The following CHD6 variants were observed in gnomAD, a reference collection of about 807,000 sequenced individuals.
CHD6 encodes chromodomain helicase DNA binding protein 6, also known as ATP-dependent chromatin remodeler CHD6.
CHD6 carries 50 observed loss-of-function variants against 276.9 expected under a neutral mutation model. The ratio of observed to expected loss-of-function variants is 0.18; its 90% CI spans 0.14 to 0.23. CHD6 has a LOEUF of 0.23. CHD6 is among the 10% of genes least tolerant of loss of function. CHD6 has a pLI of 1.00. For synonymous variants in CHD6, 1,173 were observed against 1,229.3 expected, an observed-to-expected ratio of 0.95 and a Z score of 0.96; for missense variants, 2,564 against 3,365.8, an observed-to-expected ratio of 0.76 and a Z score of 5.89.
intron 2 of CHD6, among the ~76,000 whole-genome samples, chr20:41,541,783 T>C (rs540544044): frequency 1.3e-5 from 2 of 152,366 alleles, no homozygotes; most frequent in East Asian, 3.9e-4. Context: ...ATGTCATTTT[T>C]TCAAAACCTT....
chr20:41,444,764 T>A (rs890290394), intron 25 of CHD6, among the ~76,000 whole-genome samples: 1 of 152,204 alleles, frequency 6.6e-6, no homozygotes, highest in African/African-American at 2.4e-5. Context: ...TAATGTAATA[T>A]TTAATCTTTA....
At position 41,484,598 on chromosome 20, in the gene CHD6, G is replaced by A; in HGVS notation, c.2011C>T (p.Leu671=). The change falls in exon 15 of 37, where the codon CTG becomes TTG. Residue 671 remains leucine, a synonymous_variant. Coordinates refer to ENST00000373233, the MANE Select transcript of CHD6 (RefSeq NM_032221.5). ...DLKTEEQVKK[L]QSILKPMMLR... ...ATCATTGGTTTTAGGATAGACTGCAGTTTCTTTACCTGTCCAGGGAAATGA... is the reference window on the plus strand; with the variant it reads ...ATCATTGGTTTTAGGATAGACTGCAATTTCTTTACCTGTCCAGGGAAATGA... The A allele has an allele frequency of 6.2e-7, 1 of 1,613,738 alleles. No homozygotes were observed. Among genetic ancestry groups the A allele is most frequent in the Non-Finnish European group, 8.5e-7 (1 of 1,179,794 alleles).
At chr20:41,429,095 A>G (rs2047452974) in intron 27 of CHD6, among the ~76,000 whole-genome samples, 1 of 152,200 alleles carries the variant, frequency 6.6e-6, no homozygotes, top group Non-Finnish European at 1.5e-5. Context: ...AGAGCACCTG[A>G]GATGTCACAG....
intron 2 of CHD6, among the ~76,000 whole-genome samples, chr20:41,545,475 C>CT (rs2045022716): frequency 6.6e-6 from 1 of 152,122 alleles, no homozygotes; most frequent in Non-Finnish European, 1.5e-5. Context: ...GGGTGAGGCT[C>CT]TTTAGTCATC....
intron 16 of CHD6, among the ~76,000 whole-genome samples, chr20:41,474,845 G>A: frequency 6.6e-6 from 1 of 152,006 alleles, no homozygotes; most frequent in East Asian, 1.9e-4. Flanking sequence ...GACTTATAAG[G>A]GACATGTATA....
In CHD6 at chr20:41,533,253, C is replaced by T; in HGVS notation, c.351G>A (p.Lys117=). The part of the protein sequence containing the change: ...AAKGSKDREP[K]PKRKREPKEP... Reference sequence around the variant, plus strand: ...CTTTCGGTTCTCGTTTCCTCTTTGGCTTGGGCTCTCTGTCCTTGCTTCCCT... The same window carrying T: ...CTTTCGGTTCTCGTTTCCTCTTTGGTTTGGGCTCTCTGTCCTTGCTTCCCT... Residue 117 remains lysine (K), a synonymous_variant, in exon 3 of 37, where the codon AAG becomes AAA. Coordinates refer to ENST00000373233, the MANE Select transcript of CHD6 (RefSeq NM_032221.5). 6.2e-7 allele frequency: 1 copy of T among 1,613,656 alleles called. No individual in the cohort carries two copies. The highest frequency in any genetic ancestry group is 1.1e-5 in the South Asian group (1 of 91,020).
At chr20:41,447,846 C>A in intron 24 of CHD6, 36 bp downstream of exon 24, 1 of 1,483,872 alleles carries the variant, frequency 6.7e-7, no homozygotes, top group Non-Finnish European at 9.3e-7. Flanking sequence ...TATGTCAATT[C>A]TTTAACGTTG....
At position 41,451,935 on chromosome 20, in the gene CHD6, C is replaced by G. The variant is rs2048252739; in HGVS notation, c.3414G>C (p.Leu1138=). 1.9e-6 allele frequency: 3 copies of G among 1,613,898 alleles called. No individual in the cohort carries two copies. Among genetic ancestry groups the G allele is most frequent in the Non-Finnish European group, 2.5e-6 (3 of 1,179,944 alleles). The change falls in exon 22 of 37, where the codon CTG becomes CTC. Residue 1138 remains leucine, a synonymous_variant. Transcript: ENST00000373233. ...CCTTATAATGCTTGACACAGTACAC[C>G]AGGAGGGCACGGCAAATCATCTCCA... ...KDMEMICRAL[L]VYCVKHYKGD... is the part of the protein sequence containing the mutation.
Position 41,473,325 on chromosome 20 carries a change from C to T in CHD6, c.2661G>A (p.Leu887=), listed in dbSNP as rs762922238. 2 of 1,613,770 alleles carry T rather than the reference C, an allele frequency of 1.2e-6. No individual in the cohort carries two copies. The highest frequency in any genetic ancestry group is 1.7e-6 in the Non-Finnish European group (2 of 1,179,896). Residue 887 remains leucine, a synonymous_variant, in exon 17 of 37, where the codon TTG becomes TTA. Transcript: ENST00000373233. This position sits in a 1 kb window ranked among gnomAD's most constrained non-coding sequence, Gnocchi z 4.1. The stretch of plus-strand genomic sequence containing the variant: ...CAGCAATCATCCTAGTGGTTACCTG[C>T]AAGTCATTTTGTGGGTTCCAGTCAG... ...FDSDWNPQND[L]QAQARCHRIG...
Position 41,404,530 on chromosome 20 carries a change from G to GT in CHD6, c.*62dup. On this transcript the variant is annotated 3_prime_UTR_variant, in exon 37 of 37. Transcript: ENST00000373233. ...TTCTTATGGAGGTGAAGTGAGGGAA[G>GT]TAACAAACCTTTATGGGATAAGAAA... 6.9e-7 allele frequency: 1 copy of GT among 1,445,632 alleles called. No individual in the cohort carries two copies. Among genetic ancestry groups the GT allele is most frequent in the Non-Finnish European group, 9.1e-7 (1 of 1,096,980 alleles). The allele number at this position is 1,445,632 out of a possible 1,614,324, so 89.6% of individuals were successfully genotyped here.
At chr20:41,439,950 G>C in intron 26 of CHD6, 50 bp downstream of exon 26, 1 of 1,599,188 alleles carries the variant, frequency 6.3e-7, no homozygotes, top group African/African-American at 1.3e-5. Flanking sequence ...AGGGGTCACA[G>C]ATCAGTGGCA....
At chr20:41,514,202 A>G (rs1020344447) in intron 4 of CHD6, among the ~76,000 whole-genome samples, 13 of 152,250 alleles carry the variant, frequency 8.5e-5, no homozygotes, top group African/African-American at 3.1e-4. Flanking sequence ...CTTGCAGCAG[A>G]GTGGCTCAGA....
rs1056543819 is a variant in CHD6 at position 41,512,849 on chromosome 20, C to T, written c.849G>A (p.Ala283=). Residue 283 remains alanine (A), a synonymous_variant, in exon 5 of 37, where the codon GCG becomes GCA. Transcript: ENST00000373233. ...TAACCTCATGCAAAGGCCATACCTCCGCCTGCCAGGCCAGTGTAGAGGCTG... is the reference window on the plus strand; with the variant it reads ...TAACCTCATGCAAAGGCCATACCTCTGCCTGCCAGGCCAGTGTAGAGGCTG... ...ALSASTLAWQ[A]EEPPEDDANI... is the part of the protein sequence containing the mutation. 1.2e-5 allele frequency: 19 copies of T among 1,613,998 alleles called. No homozygotes were observed. The East Asian group carries it at 2.9e-4, about 25-fold the overall frequency.
At chr20:41,443,750 C>T (rs905867549) in intron 25 of CHD6, among the ~76,000 whole-genome samples, 5 of 152,188 alleles carry the variant, frequency 3.3e-5, no homozygotes, top group Non-Finnish European at 7.3e-5. Flanking sequence ...CCTGGAGGGG[C>T]AGCCCTTTCA....
At chr20:41,445,561 T>C in intron 25 of CHD6, 104 bp downstream of exon 25, 1 of 684,760 alleles carries the variant, frequency 1.5e-6, no homozygotes. Context: ...TGTAACAGAA[T>C]GATAGAGTTT....
chr20:41,586,452 C>T (rs1483808498), intron 1 of CHD6, among the ~76,000 whole-genome samples: 6 of 152,190 alleles, frequency 3.9e-5, no homozygotes, highest in African/African-American at 1.2e-4. Flanking sequence ...GGTTCTCTTC[C>T]GTGACCCATG....
chr20:41,533,147 T>G lies in CHD6; in HGVS notation c.457A>C (p.Lys153Gln). Reference sequence around the variant, plus strand: ...GAGGCCTCCCGGGGCTTCCGTGCCTTCTTTGCCCCATCTTTTTGCTTCGGC... The same window carrying G: ...GAGGCCTCCCGGGGCTTCCGTGCCTGCTTTGCCCCATCTTTTTGCTTCGGC... The part of the protein sequence containing the change: ...KEPKQKDGAK[K>Q]ARKPREASGT... The change falls in exon 3 of 37, where the codon AAG (lysine) becomes CAG (glutamine). Residue 153 changes from lysine to glutamine, a missense_variant. Transcript: ENST00000373233. The G allele has an allele frequency of 1.2e-6, 2 of 1,614,192 alleles. No individual in the cohort carries two copies. Among genetic ancestry groups the G allele is most frequent in the Admixed American group, 1.7e-5 (1 of 60,030 alleles).
At position 41,483,529 on chromosome 20, in the gene CHD6, A is replaced by T; in HGVS notation, c.2258-10T>A. ...ATTTTCTCCTCTGCTCCTGAAAAGG[A>T]ATGGAACAAAACTATTCCTCGGACA... On this transcript the variant is annotated splice_polypyrimidine_tract_variant and intron_variant, in intron 15 of 36. Transcript: ENST00000373233. 6.3e-7 allele frequency: 1 copy of T among 1,589,880 alleles called. No homozygotes were observed. The highest frequency in any genetic ancestry group is 8.6e-7 in the Non-Finnish European group (1 of 1,162,150).
chr20:41,555,844 C>A (rs1169940908), intron 1 of CHD6, among the ~76,000 whole-genome samples: 2 of 152,100 alleles, frequency 1.3e-5, no homozygotes, highest in East Asian at 1.9e-4. Context: ...ACTTCCCAGA[C>A]GGGGTGGCGG....
Sources: gnomAD v4.1 joint callset for allele counts (sites outside exome capture counted in the v4.1 genomes callset) on GRCh38, gnomAD v4.1.1 for gene constraint, Gnocchi (gnomAD v3.1) non-coding constraint, MANE v1.5 for transcripts, NCBI Gene and HGNC (gene_info 2026-07-23, HGNC 2026-07-21) for gene names.